VIRMA: variants seen among roughly 807,000 people sequenced by gnomAD.
The protein encoded by VIRMA is protein virilizer homolog.
Under a neutral mutation model 182.4 loss-of-function variants are expected in VIRMA, and 65 were observed. That is an observed-to-expected ratio of 0.36 (90% CI 0.29 to 0.44). VIRMA has a LOEUF of 0.44. Among genes scored for constraint, VIRMA ranks in the 20% least tolerant of loss-of-function variants. The pLI is 1.00. For missense variants in VIRMA, 1,752 were observed against 2,158.1 expected, an observed-to-expected ratio of 0.81 and a Z score of 3.73; for synonymous variants, 709 against 743.1, an observed-to-expected ratio of 0.95 and a Z score of 0.75.
At chr8:94,544,929 TA>T (rs1259410747) in intron 1 of VIRMA, among the ~76,000 whole-genome samples, 2 of 151,218 alleles carry the variant, frequency 1.3e-5, no homozygotes, top group Non-Finnish European at 3.0e-5. Flanking sequence ...CTCCTAAAAT[TA>T]AAAAACAAAA....
intron 8 of VIRMA, among the ~76,000 whole-genome samples, chr8:94,524,251 G>A (rs1012553030): frequency 3.3e-5 from 5 of 151,252 alleles, no homozygotes; most frequent in Admixed American, 1.3e-4. Context: ...CACCTGCCTT[G>A]GCGTCCCAAA....
chr8:94,525,801 A>G (rs1814937876), intron 8 of VIRMA, among the ~76,000 whole-genome samples: 1 of 152,238 alleles, frequency 6.6e-6, no homozygotes, highest in Non-Finnish European at 1.5e-5. Context: ...ATCTTTAACC[A>G]GCACTGTAAA....
chr8:94,553,299 G>A, intron 1 of VIRMA, 86 bp downstream of exon 1: 4 of 1,326,058 alleles, frequency 3.0e-6, no homozygotes, highest in African/African-American at 1.4e-5. Flanking sequence ...GCAATCTGCA[G>A]AAGGAAAAGT....
At chr8:94,546,822 G>T in intron 1 of VIRMA, 1 of 417,320 alleles carries the variant, frequency 2.4e-6, no homozygotes, top group Non-Finnish European at 4.8e-6. Context: ...CTGAAGTATG[G>T]TCTTTCTAAA....
At chr8:94,540,447 CT>C (rs950796618) in intron 2 of VIRMA, among the ~76,000 whole-genome samples, 11 of 141,966 alleles carry the variant, frequency 7.7e-5, no homozygotes, top group Non-Finnish European at 1.4e-4. Context: ...CCCTTCTTTA[CT>C]TTTTCTTCTT....
At chr8:94,508,042 A>G (rs968931630) in intron 15 of VIRMA, among the ~76,000 whole-genome samples, 3 of 151,784 alleles carry the variant, frequency 2.0e-5, no homozygotes, top group Non-Finnish European at 2.9e-5. Flanking sequence ...AATGCTAAGC[A>G]AGTTTAGCTA....
chr8:94,508,779 T>A (rs979178973), intron 15 of VIRMA, among the ~76,000 whole-genome samples: 1 of 151,512 alleles, frequency 6.6e-6, no homozygotes, highest in African/African-American at 2.4e-5. Flanking sequence ...AAAAAGACAG[T>A]CTTCCAACAT....
chr8:94,493,704 A>G (rs980749922), intron 20 of VIRMA, among the ~76,000 whole-genome samples: 5 of 152,198 alleles, frequency 3.3e-5, no homozygotes, highest in African/African-American at 9.6e-5. Context: ...TGGTTTTTTA[A>G]AAAAGGAAAA....
Position 94,510,667 on chromosome 8 carries a change from T to A in VIRMA, c.3391-15A>T. On this transcript the variant is annotated splice_polypyrimidine_tract_variant and intron_variant, in intron 13 of 23. Transcript: ENST00000297591. The stretch of plus-strand genomic sequence containing the variant: ...GGCTCAATAACCTGTTAAAAAAGTA[T>A]AATGTGTGTGTACGTAGATTTTTTA... The A allele has an allele frequency of 1.3e-6, 2 of 1,558,150 alleles. No homozygotes were observed. The highest frequency in any genetic ancestry group is 4.5e-5 in the East Asian group (2 of 44,450).
chr8:94,540,465 T>TC (rs199972021), intron 2 of VIRMA, among the ~76,000 whole-genome samples: 39 of 133,906 alleles, frequency 2.9e-4, no homozygotes, highest in East Asian at 6.1e-4. Context: ...TCTTTTCTTT[T>TC]TTTTTTTTTT....
At chr8:94,511,080 T>G (rs983953000) in intron 13 of VIRMA, 105 bp downstream of exon 13, 89 of 1,472,210 alleles carry the variant, frequency 6.0e-5, no homozygotes, top group Non-Finnish European at 7.8e-5. Flanking sequence ...TATGTCTTTT[T>G]GGGAGGAAGG....
At chr8:94,500,655 C>CTT (rs11312961) in intron 16 of VIRMA, among the ~76,000 whole-genome samples, 1,752 of 126,662 alleles carry the variant, frequency 0.014, 40 homozygotes, top group African/African-American at 0.035. Context: ...TCGGTAGTTT[C>CTT]TTTTTTTTTT....
chr8:94,491,118 A>G (rs1813591874), intron 22 of VIRMA, among the ~76,000 whole-genome samples: 1 of 150,716 alleles, frequency 6.6e-6, no homozygotes, highest in Non-Finnish European at 1.5e-5. Context: ...GTTTGAGACT[A>G]GCCTGGCAAA....
intron 4 of VIRMA, 90 bp from the exon 5 acceptor site, chr8:94,535,097 C>T: frequency 1.3e-6 from 2 of 1,498,790 alleles, no homozygotes; most frequent in Non-Finnish European, 1.8e-6. Context: ...TGTGGTTCAA[C>T]TAAAGTCTTT....
intron 23 of VIRMA, 138 bp from the exon 24 acceptor site, chr8:94,488,998 G>T: frequency 1.2e-6 from 1 of 809,144 alleles, no homozygotes; most frequent in Non-Finnish European, 1.9e-6. Context: ...CGGTGAATGG[G>T]CCAAAGATTT....
chr8:94,533,054 T>TG (rs1389641526), intron 5 of VIRMA, among the ~76,000 whole-genome samples: 1 of 151,996 alleles, frequency 6.6e-6, no homozygotes, highest in Non-Finnish European at 1.5e-5. Flanking sequence ...AACAAATCAG[T>TG]AAATTGAACA....
chr8:94,547,239 T>C (rs752619252), intron 1 of VIRMA, among the ~76,000 whole-genome samples: 3 of 151,258 alleles, frequency 2.0e-5, no homozygotes, highest in South Asian at 2.1e-4. Flanking sequence ...AGGCACTTGA[T>C]TAATGGTTAT....
At position 94,527,208 on chromosome 8, in the gene VIRMA, C is replaced by G. The variant is rs768899855; in HGVS notation, c.1036G>C (p.Val346Leu). 1 of 1,614,016 alleles carries G rather than the reference C, an allele frequency of 6.2e-7. No homozygotes were observed. Among genetic ancestry groups the G allele is most frequent in the Non-Finnish European group, 8.5e-7 (1 of 1,179,962 alleles). Residue 346 changes from valine to leucine, a missense_variant, in exon 8 of 24, where the codon GTA becomes CTA. Around this residue, in one of 11 missense-constraint regions of VIRMA, gnomAD observed 401 missense variants for 455.1 expected, o/e 0.88. Transcript: ENST00000297591. ...MTYDPYDRELVPLLYFSCPYK... is the reference protein window; with the variant it reads ...MTYDPYDRELLPLLYFSCPYK... ...GGACAACTGAAGTATAAGAGTGGTACAAGCTCCCTGTCATATGGATCATAT... is the reference window on the plus strand; with the variant it reads ...GGACAACTGAAGTATAAGAGTGGTAGAAGCTCCCTGTCATATGGATCATAT...
intron 1 of VIRMA, among the ~76,000 whole-genome samples, chr8:94,546,315 C>T (rs1431677274): frequency 1.3e-5 from 2 of 151,058 alleles, no homozygotes; most frequent in Non-Finnish European, 2.9e-5. Flanking sequence ...CCAAACTCAA[C>T]AAATCCAAAC....
Sources: allele counts gnomAD v4.1 joint callset (sites outside exome capture counted in the v4.1 genomes callset), GRCh38; gene constraint gnomAD v4.1.1; regional missense constraint gnomAD v4.1.1; transcripts MANE v1.5; gene names NCBI Gene and HGNC (gene_info 2026-07-23, HGNC 2026-07-21).